Variants in LTN1 observed in about 807,000 individuals in gnomAD.
The protein encoded by LTN1 is E3 ubiquitin-protein ligase listerin.
In LTN1, 88 loss-of-function variants were observed where a neutral mutation model predicts 201.2. That is an observed-to-expected ratio of 0.44 (90% confidence interval 0.37 to 0.52). LTN1 has a LOEUF of 0.52. LTN1 is among the 20% of genes least tolerant of loss of function. The pLI, the probability that LTN1 is intolerant of heterozygous loss-of-function variation, is 0.00. For missense variants in LTN1, 1,752 were observed against 2,038.7 expected, an observed-to-expected ratio of 0.86 and a Z score of 2.71; for synonymous variants, 645 against 713.5, an observed-to-expected ratio of 0.90 and a Z score of 1.53.
Position 28,965,915 on chromosome 21 carries a change from A to C in LTN1, c.2122-9T>G, listed in dbSNP as rs2084517896. 6.6e-7 allele frequency: 1 copy of C among 1,523,926 alleles called. No individual in the cohort carries two copies. Among genetic ancestry groups the C allele is most frequent in the Non-Finnish European group, 9.0e-7 (1 of 1,112,026 alleles). 94.4% of individuals were successfully genotyped at this position (1,523,926 alleles called of 1,614,324 possible). ...TTCCATTTCAAGTCCACCTGAAAAA[A>C]GAAAAAGAGTTAGAAACAATCTGCT... On this transcript the variant is annotated splice_polypyrimidine_tract_variant and intron_variant, in intron 10 of 29. Coordinates refer to ENST00000361371, the MANE Select transcript of LTN1 (RefSeq NM_015565.3).
At chr21:28,934,145 AAAAT>A (rs2084235232) in intron 27 of LTN1, among the ~76,000 whole-genome samples, 1 of 152,140 alleles carries the variant, frequency 6.6e-6, no homozygotes, top group South Asian at 2.1e-4. Flanking sequence ...TTCCAATGCA[AAAAT>A]AATTATCAGT....
rs920395738 is a variant in LTN1, at chr21:28,928,267, T to G, written c.*2181A>C. On this transcript the variant is annotated 3_prime_UTR_variant, in exon 30 of 30. Transcript: ENST00000361371. ...TCTGCATATTTGAAATATTTTTAAT[T>G]AAAAAGAATTTTAATGGGCACATAT... 6.6e-6 allele frequency: 1 copy of G among 152,600 alleles called. No homozygotes were observed. The highest frequency in any genetic ancestry group is 2.4e-5 in the African/African-American group (1 of 41,424). 9.5% of individuals were successfully genotyped at this position (152,600 alleles called of 1,614,324 possible).
intron 18 of LTN1, among the ~76,000 whole-genome samples, chr21:28,947,854 A>T (rs912031301): frequency 6.6e-6 from 1 of 151,416 alleles, no homozygotes; most frequent in African/African-American, 2.4e-5. Context: ...ATGATTTTTT[A>T]AAATTATACT....
At chr21:28,943,534 G>C (rs2146266859) in intron 23 of LTN1, 133 bp downstream of exon 23, 1 of 727,848 alleles carries the variant, frequency 1.4e-6, no homozygotes, top group South Asian at 2.0e-5. Context: ...AGGCAACTTA[G>C]GGTCCCTATA....
intron 21 of LTN1, 54 bp downstream of exon 21, chr21:28,945,753 G>A (rs911105644): frequency 6.6e-7 from 1 of 1,513,436 alleles, no homozygotes; most frequent in Non-Finnish European, 9.0e-7. Context: ...TAGTTCTGAT[G>A]CAAAAGTATG....
intron 4 of LTN1, 50 bp downstream of exon 4, chr21:28,984,642 C>T: frequency 7.2e-7 from 1 of 1,395,942 alleles, no homozygotes; most frequent in Non-Finnish European, 1.0e-6. Flanking sequence ...GCTTATAACC[C>T]TTAAATACTT....
Position 28,966,496 on chromosome 21 carries a change from T to A in LTN1, c.1995A>T (p.Lys665Asn), listed in dbSNP as rs770410219. The A allele has an allele frequency of 3.7e-6, 6 of 1,614,152 alleles. No individual in the cohort carries two copies. In the Admixed American group the frequency reaches 1.0e-4, roughly 27 times the overall value. Reference sequence around the variant, plus strand: ...GATCTTCATTTAGCCAACCTATCAGTTTCTGGTATAAAAACTGCACCGCAG... The same window carrying A: ...GATCTTCATTTAGCCAACCTATCAGATTCTGGTATAAAAACTGCACCGCAG... ...KNPAVQFLYQ[K>N]LIGWLNEDQR... is the part of the protein sequence containing the mutation. The change falls in exon 10 of 30, where the codon AAA (lysine) becomes AAT (asparagine). Residue 665 changes from lysine (K) to asparagine (N), a missense_variant. Lys to Asn is a moderately conservative substitution (Grantham distance 94). This residue lies in a region of LTN1 where 1,211 missense variants were observed against 1,312.8 expected (regional missense o/e 0.92). Transcript: ENST00000361371.
rs778165338 is a variant in LTN1 at position 28,932,712 on chromosome 21, A to G, written c.4876-48T>C. Reference sequence around the variant, plus strand: ...TTGTTTGCCAAATTTCTGTCTTTCAACCAGAAAACATTTTGATAGGTTGAC... The same window carrying G: ...TTGTTTGCCAAATTTCTGTCTTTCAGCCAGAAAACATTTTGATAGGTTGAC... On this transcript the variant is annotated intron_variant, in intron 27 of 29. Transcript: ENST00000361371. The G allele has an allele frequency of 3.0e-6, 4 of 1,332,050 alleles. No individual in the cohort carries two copies. The East Asian group carries it at 9.2e-5, about 31-fold the overall frequency. The allele number at this position is 1,332,050 out of a possible 1,614,324, so 82.5% of individuals were successfully genotyped here. A position where few individuals can be genotyped will look rare whatever the true frequency, so the allele number is the denominator to read the frequency against.
At chr21:28,937,068 C>A (rs898512781) in intron 25 of LTN1, among the ~76,000 whole-genome samples, 11 of 152,196 alleles carry the variant, frequency 7.2e-5, no homozygotes, top group African/African-American at 2.7e-4. Flanking sequence ...CATCCCTTTA[C>A]GACAGAGAGC....
chr21:28,964,396 G>T (rs2084504102), intron 11 of LTN1, among the ~76,000 whole-genome samples: 1 of 152,226 alleles, frequency 6.6e-6, no homozygotes, highest in African/African-American at 2.4e-5. Context: ...TGAAGGCTGA[G>T]ATGATCATTA....
chr21:28,985,225 C>T (rs927067378), intron 3 of LTN1, among the ~76,000 whole-genome samples: 2 of 152,102 alleles, frequency 1.3e-5, no homozygotes, highest in Admixed American at 6.5e-5. Context: ...TTTCGGTGGC[C>T]GAGGCAGGCG....
At chr21:28,957,205 C>T (rs975719729) in intron 15 of LTN1, 127 bp downstream of exon 15, 1 of 947,798 alleles carries the variant, frequency 1.1e-6, no homozygotes, top group African/African-American at 1.7e-5. Flanking sequence ...TATGAGCATA[C>T]AAAGACATCA....
intron 1 of LTN1, among the ~76,000 whole-genome samples, chr21:28,987,390 C>A (rs561608989): frequency 6.6e-6 from 1 of 151,982 alleles, no homozygotes; most frequent in Admixed American, 6.6e-5. Flanking sequence ...TAAATAGAAC[C>A]CATCCTTTCA....
At chr21:28,967,509 G>A (rs933709135) in intron 9 of LTN1, 11 of 199,306 alleles carry the variant, frequency 5.5e-5, no homozygotes, top group African/African-American at 2.3e-4. Flanking sequence ...ACAGCATTCA[G>A]GGAGCTTTCA....
At chr21:28,969,936 G>A (rs1053051300) in intron 8 of LTN1, among the ~76,000 whole-genome samples, 11 of 151,250 alleles carry the variant, frequency 7.3e-5, no homozygotes, top group Non-Finnish European at 7.4e-5. Context: ...CTCCCACTTT[G>A]GCCTGTGCTA....
chr21:28,930,586 C>T (rs993712774), intron 29 of LTN1, 76 bp from the exon 30 acceptor site: 2 of 910,830 alleles, frequency 2.2e-6, no homozygotes, highest in African/African-American at 1.7e-5. Context: ...AGTACACATA[C>T]ATCTATAGTA....
rs1372838344 is a variant in LTN1 at position 28,966,861 on chromosome 21, C to G, written c.1630G>C (p.Glu544Gln). The G allele has an allele frequency of 6.2e-7, 1 of 1,611,108 alleles. No homozygotes were observed. The highest frequency in any genetic ancestry group is 1.7e-5 in the Admixed American group (1 of 59,472). Residue 544 changes from glutamate to glutamine, a missense_variant, in exon 10 of 30, where the codon GAG (glutamate) becomes CAG (glutamine). Glu to Gln is a conservative substitution (Grantham distance 29). Coordinates refer to ENST00000361371, the MANE Select transcript of LTN1 (RefSeq NM_015565.3). ...KKNGKVRFAD[E>Q]ILESNKENEK... is the part of the protein sequence containing the mutation. ...TTCTCTTTATTGCTTTCAAGTATCT[C>G]ATCAGCAAATCTAACCTTACCATTT...
chr21:28,967,302 T>A (rs982928367), intron 9 of LTN1, 123 bp from the exon 10 acceptor site: 1 of 708,154 alleles, frequency 1.4e-6, no homozygotes, highest in Non-Finnish European at 2.3e-6. Context: ...AATGGGTTGA[T>A]TGATGGCTGG....
intron 11 of LTN1, 48 bp from the exon 12 acceptor site, chr21:28,960,754 C>T: frequency 4.7e-6 from 6 of 1,289,036 alleles, no homozygotes; most frequent in Non-Finnish European, 5.6e-6. Context: ...ATCAAATACT[C>T]TCTCTGTCCA....
Sources: gnomAD v4.1 joint callset for allele counts (sites outside exome capture counted in the v4.1 genomes callset) on GRCh38, gnomAD v4.1.1 for gene constraint, gnomAD v4.1.1 regional missense constraint, MANE v1.5 for transcripts, NCBI Gene and HGNC (gene_info 2026-07-23, HGNC 2026-07-21) for gene names.